VDR: variants seen among roughly 807,000 people sequenced by gnomAD.
VDR encodes vitamin D3 receptor.
Under a neutral mutation model 39.7 loss-of-function variants are expected in VDR, and 19 were observed. That is an observed-to-expected ratio of 0.48 (90% CI 0.33 to 0.70). The LOEUF (loss-of-function observed/expected upper bound fraction) is 0.70. Ranked by LOEUF, VDR falls within the 30% of genes least tolerant of loss-of-function variation. VDR has a pLI of 0.02. For synonymous variants in VDR, 242 were observed against 215.8 expected, an observed-to-expected ratio of 1.12 and a Z score of -1.07; for missense variants, 442 against 570.5, an observed-to-expected ratio of 0.77 and a Z score of 2.29.
chr12:47,844,804 T>G lies in VDR; in HGVS notation c.1226A>C (p.Glu409Ala), dbSNP rs1945243522. Reference protein sequence around the residue: ...KQYRCLSFQPECSMKLTPLVL... With the variant: ...KQYRCLSFQPACSMKLTPLVL... The stretch of plus-strand genomic sequence containing the variant: ...AAGGGGCGTTAGCTTCATGCTGCAC[T>G]CAGGCTGGAAGGAGAGGCAGCGGTA... Residue 409 changes from glutamate (E) to alanine (A), a missense_variant, in exon 10 of 10, where the codon GAG (glutamate) becomes GCG (alanine). Physicochemically the swap from Glu to Ala is moderately radical, Grantham distance 107. This residue lies in a region of VDR where 173 missense variants were observed against 252.0 expected (regional missense o/e 0.69). Transcript: ENST00000549336. 6.2e-7 allele frequency: 1 copy of G among 1,614,040 alleles called. No homozygotes were observed. The highest frequency in any genetic ancestry group is 1.1e-5 in the South Asian group (1 of 91,090).
intron 4 of VDR, among the ~76,000 whole-genome samples, chr12:47,864,608 A>G (rs1190888386): frequency 6.6e-6 from 1 of 151,992 alleles, no homozygotes; most frequent in Non-Finnish European, 1.5e-5. Context: ...TTCCTAACCC[A>G]CATCAGCCCT....
chr12:47,852,467 C>T (rs951890957), intron 7 of VDR, among the ~76,000 whole-genome samples: 2 of 152,176 alleles, frequency 1.3e-5, no homozygotes, highest in Non-Finnish European at 2.9e-5. Context: ...GAGGGTAAAC[C>T]CTGGGCTCAG....
At chr12:47,880,860 TAA>T (rs1946134210) in intron 2 of VDR, among the ~76,000 whole-genome samples, 1 of 145,744 alleles carries the variant, frequency 6.9e-6, no homozygotes, top group Non-Finnish European at 1.5e-5. Flanking sequence ...AAATACATAT[TAA>T]TATATATTAT....
chr12:47,866,648 C>T (rs1433538328), intron 3 of VDR, among the ~76,000 whole-genome samples: 1 of 152,164 alleles, frequency 6.6e-6, no homozygotes, highest in African/African-American at 2.4e-5. Context: ...ATCCTGAGGC[C>T]TGGCCTTGGG....
chr12:47,857,314 C>G, intron 5 of VDR, 65 bp from the exon 6 acceptor site: 2 of 1,612,924 alleles, frequency 1.2e-6, no homozygotes, highest in East Asian at 2.2e-5. Context: ...TGGCCCTGAT[C>G]TCTGATAGGA....
At chr12:47,846,921 G>C in intron 7 of VDR, 113 bp from the exon 8 acceptor site, 10 of 1,293,132 alleles carry the variant, frequency 7.7e-6, no homozygotes, top group Non-Finnish European at 1.0e-5. Context: ...ATGCACCCTG[G>C]GTCTTTCATC....
chr12:47,873,435 A>G (rs1945930937), intron 3 of VDR, among the ~76,000 whole-genome samples: 1 of 131,398 alleles, frequency 7.6e-6, no homozygotes, highest in African/African-American at 3.0e-5. Flanking sequence ...ATCTCGGCTC[A>G]CTGCAGCCTC....
At position 47,844,938 on chromosome 12, in the gene VDR, C is replaced by T; in HGVS notation, c.1092G>A (p.Gln364=). The T allele has an allele frequency of 6.2e-7, 1 of 1,614,072 alleles. No homozygotes were observed. The highest frequency in any genetic ancestry group is 8.5e-7 in the Non-Finnish European group (1 of 1,179,984). The part of the protein sequence containing the change: ...AIQDRLSNTL[Q]TYIRCRHPPP... ...GCGGGTGGCGGCAGCGGATGTACGT[C>T]TGCAGTGTGTTGGACAGGCGGTCCT... The change falls in exon 10 of 10, where the codon CAG becomes CAA. Residue 364 remains glutamine (Q), a synonymous_variant. Coordinates refer to ENST00000549336, the MANE Select transcript of VDR (RefSeq NM_000376.3).
chr12:47,885,231 G>A (rs529493537), intron 1 of VDR, among the ~76,000 whole-genome samples: 1 of 152,186 alleles, frequency 6.6e-6, no homozygotes, highest in Non-Finnish European at 1.5e-5. Flanking sequence ...TCTGTAGAAA[G>A]CCCCTGGCTT....
intron 4 of VDR, among the ~76,000 whole-genome samples, chr12:47,862,912 C>T (rs766833835): frequency 2.6e-5 from 4 of 152,210 alleles, no homozygotes; most frequent in Non-Finnish European, 5.9e-5. Flanking sequence ...TAACTGGATC[C>T]CCGCTCCACC....
intron 1 of VDR, among the ~76,000 whole-genome samples, chr12:47,889,049 C>A (rs1348565596): frequency 6.6e-6 from 1 of 152,010 alleles, no homozygotes; most frequent in Non-Finnish European, 1.5e-5. Flanking sequence ...GTGTCAACTA[C>A]AAATAAAAAG....
intron 3 of VDR, among the ~76,000 whole-genome samples, chr12:47,867,173 G>A (rs1945754638): frequency 6.6e-6 from 1 of 152,126 alleles, no homozygotes; most frequent in African/African-American, 2.4e-5. Context: ...GACCAACATA[G>A]TGAAACCCCA....
intron 1 of VDR, among the ~76,000 whole-genome samples, chr12:47,894,046 A>G (rs1477449796): frequency 6.6e-6 from 1 of 152,124 alleles, no homozygotes; most frequent in African/African-American, 2.4e-5. Context: ...AACCCTCACC[A>G]AGCTATGATT....
At chr12:47,899,639 G>A (rs1433730085) in intron 1 of VDR, among the ~76,000 whole-genome samples, 2 of 152,360 alleles carry the variant, frequency 1.3e-5, no homozygotes. Flanking sequence ...CACAGGGGGT[G>A]GGGCAGGCTG....
At chr12:47,859,916 TC>T (rs1945585593) in intron 4 of VDR, among the ~76,000 whole-genome samples, 290 of 39,050 alleles carry the variant, frequency 7.4e-3, no homozygotes, top group African/African-American at 0.021. Context: ...CTTCCTTCCT[TC>T]TTTCTTTTTC....
chr12:47,857,423 C>A, intron 5 of VDR, 81 bp downstream of exon 5: 1 of 1,608,392 alleles, frequency 6.2e-7, no homozygotes, highest in Non-Finnish European at 8.5e-7. Flanking sequence ...TGTCCCCTGC[C>A]CTCTGTCCCT....
chr12:47,857,982 C>G (rs1312182335), intron 4 of VDR, among the ~76,000 whole-genome samples: 3 of 152,164 alleles, frequency 2.0e-5, no homozygotes, highest in African/African-American at 7.2e-5. Flanking sequence ...TGGGCAAACT[C>G]TCTGGGCTTT....
intron 6 of VDR, among the ~76,000 whole-genome samples, chr12:47,856,485 A>G (rs1945489559): frequency 6.6e-6 from 1 of 152,188 alleles, no homozygotes. Context: ...TGTATTCCAG[A>G]ATACTATGCA....
intron 4 of VDR, among the ~76,000 whole-genome samples, chr12:47,864,462 C>T (rs954174741): frequency 5.3e-5 from 8 of 152,212 alleles, no homozygotes; most frequent in Admixed American, 3.3e-4. Context: ...CCCTGGCAGA[C>T]TCTTTCCTCC....
Sources: allele counts gnomAD v4.1 joint callset (sites outside exome capture counted in the v4.1 genomes callset), GRCh38; gene constraint gnomAD v4.1.1; regional missense constraint gnomAD v4.1.1; transcripts MANE v1.5; gene names NCBI Gene and HGNC (gene_info 2026-07-23, HGNC 2026-07-21).